Variants in LPGAT1 observed in about 807,000 individuals in gnomAD.
LPGAT1 encodes acyl-CoA:lysophosphatidylglycerol acyltransferase 1.
A neutral mutation model predicts 47.5 loss-of-function variants in LPGAT1; 11 were observed. The ratio of observed to expected loss-of-function variants is 0.23; its 90% confidence interval spans 0.15 to 0.38. The LOEUF is 0.38. Among genes scored for constraint, LPGAT1 ranks in the 10% least tolerant of loss-of-function variants. The pLI is 1.00. For missense variants in LPGAT1, 293 were observed against 439.0 expected (o/e 0.67, Z 2.97); for synonymous variants, 138 against 144.2 (o/e 0.96, Z 0.31).
At chr1:211,812,430 T>TA (rs1197136131) in intron 2 of LPGAT1, among the ~76,000 whole-genome samples, 2 of 152,006 alleles carry the variant, frequency 1.3e-5, no homozygotes, top group Non-Finnish European at 1.5e-5. Context: ...ACACTATAGG[T>TA]ATAAGGTTCT....
intron 6 of LPGAT1, among the ~76,000 whole-genome samples, chr1:211,768,634 T>C (rs930253214): frequency 1.3e-5 from 2 of 152,236 alleles, no homozygotes; most frequent in Non-Finnish European, 2.9e-5. Context: ...AAAACACATA[T>C]CTCTATCGTG....
intron 5 of LPGAT1, among the ~76,000 whole-genome samples, chr1:211,782,264 C>G (rs1488066699): frequency 2.0e-5 from 3 of 152,066 alleles, no homozygotes; most frequent in Non-Finnish European, 4.4e-5. Flanking sequence ...CTGGCTAATT[C>G]CAATTTTTTG....
chr1:211,796,898 T>C (rs1659373331), intron 2 of LPGAT1, among the ~76,000 whole-genome samples: 1 of 152,158 alleles, frequency 6.6e-6, no homozygotes. Flanking sequence ...AATCAGAACT[T>C]AGCCAAAATT....
chr1:211,804,567 A>C (rs1197651101), intron 2 of LPGAT1, among the ~76,000 whole-genome samples: 1 of 152,180 alleles, frequency 6.6e-6, no homozygotes, highest in East Asian at 1.9e-4. Context: ...ACAATTTTTT[A>C]AATCAAAAAT....
intron 3 of LPGAT1, 140 bp downstream of exon 3, chr1:211,792,932 G>T (rs957739003): frequency 1.9e-6 from 1 of 525,430 alleles, no homozygotes. Flanking sequence ...GGATGGCCTC[G>T]ATCTCTTGAC....
intron 2 of LPGAT1, among the ~76,000 whole-genome samples, chr1:211,819,501 CA>C (rs982523786): frequency 6.6e-6 from 1 of 151,274 alleles, no homozygotes; most frequent in African/African-American, 2.4e-5. Flanking sequence ...CCAACAACAA[CA>C]AAAAAAACCA....
intron 6 of LPGAT1, among the ~76,000 whole-genome samples, chr1:211,769,000 A>G (rs1285666287): frequency 6.6e-6 from 1 of 152,182 alleles, no homozygotes; most frequent in Non-Finnish European, 1.5e-5. Flanking sequence ...TAGAAGGAAG[A>G]GGTCAAATAA....
intron 6 of LPGAT1, among the ~76,000 whole-genome samples, chr1:211,778,608 T>C (rs930646348): frequency 6.6e-6 from 1 of 152,186 alleles, no homozygotes; most frequent in African/African-American, 2.4e-5. Context: ...GTAATATCTC[T>C]ATTAATACAT....
intron 4 of LPGAT1, among the ~76,000 whole-genome samples, chr1:211,784,941 C>T (rs1658802323): frequency 6.6e-6 from 1 of 151,700 alleles, no homozygotes; most frequent in Non-Finnish European, 1.5e-5. Flanking sequence ...GTAGCTGGGA[C>T]TACAGGCGCC....
intron 2 of LPGAT1, among the ~76,000 whole-genome samples, chr1:211,812,784 C>T (rs1445021039): frequency 1.3e-5 from 2 of 152,198 alleles, no homozygotes; most frequent in Non-Finnish European, 2.9e-5. Context: ...CTGAGTGATG[C>T]AGCCACAAGC....
intron 2 of LPGAT1, among the ~76,000 whole-genome samples, chr1:211,801,651 T>A (rs1320296252): frequency 6.8e-6 from 1 of 146,830 alleles, no homozygotes; most frequent in Non-Finnish European, 1.5e-5. Flanking sequence ...AAAGCTACAG[T>A]GAGCTATAAT....
At position 211,779,055 on chromosome 1, in the gene LPGAT1, A is replaced by G; in HGVS notation, c.728-11T>C. Reference sequence around the variant, plus strand: ...CTTTTGATTTGCTGTCTGAGAACAAAGAAAAAAAGACTTAAAATTAAATCA... The same window carrying G: ...CTTTTGATTTGCTGTCTGAGAACAAGGAAAAAAAGACTTAAAATTAAATCA... On this transcript the variant is annotated splice_polypyrimidine_tract_variant and intron_variant, in intron 5 of 7. Coordinates refer to ENST00000366997, the MANE Select transcript of LPGAT1 (RefSeq NM_014873.3). 6.4e-7 allele frequency: 1 copy of G among 1,561,596 alleles called. No homozygotes were observed. Among genetic ancestry groups the G allele is most frequent in the Non-Finnish European group, 8.6e-7 (1 of 1,162,482 alleles).
In LPGAT1 at chr1:211,829,287, T is replaced by C. The variant is rs948153927; in HGVS notation, c.10A>G (p.Thr4Ala). 5 of 1,613,962 alleles carry C rather than the reference T, an allele frequency of 3.1e-6. No homozygotes were observed. In the East Asian group the frequency reaches 1.1e-4, roughly 36 times the overall value. Residue 4 changes from threonine (T) to alanine (A), a missense_variant, in exon 2 of 8, where the codon ACT becomes GCT. Physicochemically the swap from Thr to Ala is moderately conservative, Grantham distance 58. Coordinates refer to ENST00000366997, the MANE Select transcript of LPGAT1 (RefSeq NM_014873.3). ...CCCAGCCACGGAGCTTCTTCCAAAG[T>C]TATAGCCATTCTCACACTGGACTCC... The part of the protein sequence containing the change: MAI[T>A]LEEAPWLGWL...
At position 211,747,540 on chromosome 1, in the gene LPGAT1, T is replaced by C. The variant is rs556004166; in HGVS notation, c.*2359A>G. 2.2e-4 allele frequency: 34 copies of C among 152,364 alleles called. No homozygotes were observed. The highest frequency in any genetic ancestry group is 7.5e-4 in the African/African-American group (31 of 41,584). 9.4% of individuals were successfully genotyped at this position (152,364 alleles called of 1,614,324 possible). A position where few individuals can be genotyped will look rare whatever the true frequency, so the allele number is the denominator to read the frequency against. ...AGTGGCCCTCAGCCACATTTATGTATGCATGTTCGCATTTATTTTTGGATA... is the reference window on the plus strand; with the variant it reads ...AGTGGCCCTCAGCCACATTTATGTACGCATGTTCGCATTTATTTTTGGATA... On this transcript the variant is annotated 3_prime_UTR_variant, in exon 8 of 8. Coordinates refer to ENST00000366997, the MANE Select transcript of LPGAT1 (RefSeq NM_014873.3).
In LPGAT1 at chr1:211,748,326, C is replaced by T. The variant is rs950883627; in HGVS notation, c.*1573G>A. On this transcript the variant is annotated 3_prime_UTR_variant, in exon 8 of 8. Coordinates refer to ENST00000366997, the MANE Select transcript of LPGAT1 (RefSeq NM_014873.3). ...TGGTTCTCTTATGAGGTAAATTGTA[C>T]AAACATCGCAACAAATTTCTAAAAA... 2 of 152,350 alleles carry T rather than the reference C, an allele frequency of 1.3e-5. No homozygotes were observed. The highest frequency in any genetic ancestry group is 2.9e-5 in the Non-Finnish European group (2 of 68,044). The allele number at this position is 152,350 out of a possible 1,614,324, so 9.4% of individuals were successfully genotyped here. A position where few individuals can be genotyped will look rare whatever the true frequency, so the allele number is the denominator to read the frequency against.
chr1:211,800,506 G>C (rs926747298), intron 2 of LPGAT1, among the ~76,000 whole-genome samples: 2 of 152,254 alleles, frequency 1.3e-5, no homozygotes, highest in Admixed American at 1.3e-4. Flanking sequence ...GGAAGAGCAG[G>C]AAAATCAAAG....
intron 4 of LPGAT1, 68 bp from the exon 5 acceptor site, chr1:211,783,570 G>A (rs1571724958): frequency 7.2e-7 from 1 of 1,383,956 alleles, no homozygotes; most frequent in East Asian, 2.3e-5. Context: ...AAATTAAACA[G>A]AAATTACAGC....
At chr1:211,755,698 G>GAA (rs561244478) in intron 6 of LPGAT1, among the ~76,000 whole-genome samples, 1 of 95,316 alleles carries the variant, frequency 1.0e-5, no homozygotes, top group Non-Finnish European at 2.3e-5. Flanking sequence ...TCTCAAAAAA[G>GAA]AAAAAAAAAA....
intron 2 of LPGAT1, among the ~76,000 whole-genome samples, chr1:211,822,969 A>C (rs969669114): frequency 5.9e-5 from 9 of 152,208 alleles, no homozygotes; most frequent in Non-Finnish European, 1.3e-4. Context: ...TGAAGCACCA[A>C]GTTTTTAACC....
Sources: allele counts gnomAD v4.1 joint callset (sites outside exome capture counted in the v4.1 genomes callset), GRCh38; gene constraint gnomAD v4.1.1; transcripts MANE v1.5; gene names NCBI Gene and HGNC (gene_info 2026-07-23, HGNC 2026-07-21).